TAOK3: variants seen among roughly 807,000 people sequenced by gnomAD.
TAOK3 encodes serine/threonine-protein kinase TAO3.
Under a neutral mutation model 120.4 loss-of-function variants are expected in TAOK3, and 40 were observed. That is an observed-to-expected ratio of 0.33 (90% CI 0.26 to 0.43). The LOEUF is 0.43. Ranked by LOEUF, TAOK3 falls within the 20% of genes least tolerant of loss-of-function variation. The probability of loss-of-function intolerance (pLI) is 1.00; values close to 1 mark genes in which losing one functional copy is unlikely to be tolerated. For synonymous variants in TAOK3, 355 were observed against 387.5 expected (o/e 0.92, Z 0.99); for missense variants, 821 against 1,112.1 (o/e 0.74, Z 3.72).
chr12:118,205,274 C>T (rs929430783), intron 11 of TAOK3, among the ~76,000 whole-genome samples: 2 of 148,720 alleles, frequency 1.3e-5, no homozygotes, highest in Non-Finnish European at 3.0e-5. Flanking sequence ...GGCTGAGGCA[C>T]GAGAATCAAT....
At chr12:118,299,275 T>C (rs2042788781) in intron 1 of TAOK3, among the ~76,000 whole-genome samples, 2 of 152,206 alleles carry the variant, frequency 1.3e-5, no homozygotes, top group African/African-American at 2.4e-5. Flanking sequence ...TTTTCTTCCC[T>C]ATATAAACTT....
At chr12:118,271,121 CCT>C (rs1281119397) in intron 1 of TAOK3, among the ~76,000 whole-genome samples, 3 of 152,000 alleles carry the variant, frequency 2.0e-5, no homozygotes, top group Non-Finnish European at 4.4e-5. Flanking sequence ...CATTGTAACC[CCT>C]GATATTTTAA....
In TAOK3 at chr12:118,189,787, G is replaced by A. The variant is rs369381435; in HGVS notation, c.1329+20C>T. ...GAGGAGGGGAAGGAAGGGAAGGTGG[G>A]TAGAGGGGTGTTTGCTTACCAAAGA... On this transcript the variant is annotated intron_variant, in intron 14 of 20. Coordinates refer to ENST00000392533, the MANE Select transcript of TAOK3 (RefSeq NM_016281.4). 5.0e-6 allele frequency: 8 copies of A among 1,613,900 alleles called. No homozygotes were observed. The highest frequency in any genetic ancestry group is 4.4e-5 in the South Asian group (4 of 91,078).
rs2035240904 is a variant in TAOK3 at position 118,161,852 on chromosome 12, C to T, written c.2075G>A (p.Arg692Lys). The change falls in exon 18 of 21, where the codon AGG becomes AAG. Residue 692 changes from arginine to lysine, a missense_variant. Coordinates refer to ENST00000392533, the MANE Select transcript of TAOK3 (RefSeq NM_016281.4). The surrounding 1 kb of genome is among the most constrained non-coding windows in gnomAD (Gnocchi z 4.5). ...CTTTCTGTGCAGTTCTCTTTCTCGCCTCTTATTGTACTCCAGCTGGTTTTC... is the reference window on the plus strand; with the variant it reads ...CTTTCTGTGCAGTTCTCTTTCTCGCTTCTTATTGTACTCCAGCTGGTTTTC... ...ELENQLEYNK[R>K]RERELHRKHV... The T allele has an allele frequency of 6.2e-7, 1 of 1,613,978 alleles. No individual in the cohort carries two copies. Among genetic ancestry groups the T allele is most frequent in the Admixed American group, 1.7e-5 (1 of 59,994 alleles).
At chr12:118,335,698 G>C (rs892272243) in intron 1 of TAOK3, among the ~76,000 whole-genome samples, 8 of 152,070 alleles carry the variant, frequency 5.3e-5, no homozygotes, top group African/African-American at 1.9e-4. Flanking sequence ...CGGGCGTGGT[G>C]GTGGGCACCT....
At chr12:118,275,524 GCT>G (rs1328945822) in intron 1 of TAOK3, among the ~76,000 whole-genome samples, 1 of 152,030 alleles carries the variant, frequency 6.6e-6, no homozygotes, top group Non-Finnish European at 1.5e-5. Flanking sequence ...ACAATAATTT[GCT>G]CTTAGGATTT....
At chr12:118,266,632 A>C in intron 2 of TAOK3, 23 bp downstream of exon 2, 1 of 398,112 alleles carries the variant, frequency 2.5e-6, no homozygotes, top group Non-Finnish European at 4.4e-6. Flanking sequence ...TCTTAGGAGA[A>C]AGCTAAGTTG....
intron 1 of TAOK3, among the ~76,000 whole-genome samples, chr12:118,363,759 A>T (rs762983500): frequency 0.024 from 3,325 of 139,420 alleles, 47 homozygotes; most frequent in South Asian, 0.034. Flanking sequence ...TGTGTGTGAG[A>T]GAGAGAGAGA....
intron 3 of TAOK3, among the ~76,000 whole-genome samples, chr12:118,250,212 C>T (rs1323053148): frequency 3.9e-5 from 6 of 152,098 alleles, no homozygotes; most frequent in South Asian, 4.1e-4. Flanking sequence ...TCTCCCACCT[C>T]GGCCTCCCAA....
intron 3 of TAOK3, chr12:118,247,097 A>G: frequency 3.9e-6 from 2 of 512,228 alleles, no homozygotes; most frequent in Admixed American, 7.5e-5. Context: ...ATGATGGGAC[A>G]GTTCTATTTC....
chr12:118,243,339 G>T, intron 5 of TAOK3, 76 bp downstream of exon 5: 1 of 765,984 alleles, frequency 1.3e-6, no homozygotes, highest in Non-Finnish European at 2.1e-6. Context: ...TAATTTTACA[G>T]ATCAAATAGA....
intron 2 of TAOK3, among the ~76,000 whole-genome samples, chr12:118,259,793 T>C (rs902019538): frequency 8.6e-5 from 13 of 151,696 alleles, no homozygotes; most frequent in African/African-American, 2.4e-4. Flanking sequence ...CCAAGGTGAG[T>C]AGAGTTGGCA....
At chr12:118,174,784 C>T (rs917936815) in intron 16 of TAOK3, among the ~76,000 whole-genome samples, 2 of 152,026 alleles carry the variant, frequency 1.3e-5, no homozygotes, top group Admixed American at 1.3e-4. Flanking sequence ...CTGCCTCAAC[C>T]TCCTGAGTAG....
intron 17 of TAOK3, among the ~76,000 whole-genome samples, chr12:118,164,375 G>A (rs912259039): frequency 6.6e-6 from 1 of 151,794 alleles, no homozygotes; most frequent in Non-Finnish European, 1.5e-5. Context: ...ACAAAAGAAC[G>A]TCAAGGAAAG....
At chr12:118,212,794 T>G in intron 11 of TAOK3, 120 bp downstream of exon 11, 1 of 615,268 alleles carries the variant, frequency 1.6e-6, no homozygotes. Context: ...TCAGGATAAA[T>G]GACAAGGCAG....
At chr12:118,341,086 C>G (rs993893326) in intron 1 of TAOK3, among the ~76,000 whole-genome samples, 5 of 151,702 alleles carry the variant, frequency 3.3e-5, no homozygotes, top group Non-Finnish European at 7.4e-5. Flanking sequence ...TGCTGCCCTG[C>G]CCCAGGTTCA....
At position 118,235,709 on chromosome 12, in the gene TAOK3, C is replaced by A. The variant is rs889375443; in HGVS notation, c.438-38G>T. 10 of 1,390,262 alleles carry A rather than the reference C, an allele frequency of 7.2e-6. No individual in the cohort carries two copies. In the Admixed American group the frequency reaches 1.5e-4, roughly 21 times the overall value. The allele number at this position is 1,390,262 out of a possible 1,614,324, so 86.1% of individuals were successfully genotyped here. A position where few individuals can be genotyped will look rare whatever the true frequency, so the allele number is the denominator to read the frequency against. ...AAAAAAGGGTTAGAAAATTACTTTT[C>A]AATTTTGATTATGGAATAGGTCAGA... On this transcript the variant is annotated intron_variant, in intron 7 of 20. Transcript: ENST00000392533.
chr12:118,345,414 T>TA (rs1422563873), intron 1 of TAOK3, among the ~76,000 whole-genome samples: 1 of 151,882 alleles, frequency 6.6e-6, no homozygotes, highest in Non-Finnish European at 1.5e-5. Context: ...ACGAACAAAA[T>TA]AAACAAATCC....
At chr12:118,307,898 T>C (rs2043108974) in intron 1 of TAOK3, among the ~76,000 whole-genome samples, 1 of 152,142 alleles carries the variant, frequency 6.6e-6, no homozygotes, top group Non-Finnish European at 1.5e-5. Context: ...GGTTTGACAC[T>C]ACATGATAGT....
Sources: allele counts gnomAD v4.1 joint callset (sites outside exome capture counted in the v4.1 genomes callset), GRCh38; gene constraint gnomAD v4.1.1; non-coding constraint Gnocchi (gnomAD v3.1); transcripts MANE v1.5; gene names NCBI Gene and HGNC (gene_info 2026-07-23, HGNC 2026-07-21).